Variants in PTBP2 observed in about 807,000 individuals in gnomAD.
PTBP2 encodes polypyrimidine tract-binding protein 2.
A neutral mutation model predicts 61.4 loss-of-function variants in PTBP2; 13 were observed. The observed-to-expected ratio is 0.21, with a 90% CI of 0.14 to 0.34. The LOEUF is 0.34. PTBP2 is among the 10% of genes least tolerant of loss of function. The pLI, the probability that PTBP2 is intolerant of heterozygous loss-of-function variation, is 1.00. For missense variants in PTBP2, 405 were observed against 642.6 expected (o/e 0.63, Z 4.00); for synonymous variants, 215 against 218.5 (o/e 0.98, Z 0.14).
chr1:96,821,341 A>T (rs1662676373), exon 14 of PTBP2: 1 of 152,010 alleles, frequency 6.6e-6, no homozygotes, highest in African/African-American at 2.4e-5. Context: ...TTTGTTTTGT[A>T]AAGTAGTTTA....
At chr1:96,815,832 GT>G (rs1440488324), downstream of PTBP2, 2 of 152,200 alleles carry the variant, frequency 1.3e-5, no homozygotes, top group Non-Finnish European at 2.9e-5. Context: ...GGTGATCTGT[GT>G]TTTTTTCTTA....
intron 8 of PTBP2, among the ~76,000 whole-genome samples, chr1:96,795,996 A>AT (rs1310265414): frequency 2.6e-5 from 4 of 152,176 alleles, no homozygotes; most frequent in Non-Finnish European, 4.4e-5. Context: ...GCTACCTATT[A>AT]ACTAGTATTT....
At position 96,790,378 on chromosome 1, in the gene PTBP2, T is replaced by A. The variant is rs184303558; in HGVS notation, c.904+5124T>A. ...ATTTTAATGATGCTTTAAGACTGAT[T>A]GTGGATTTGGGTGTTGACATTCTGA... On this transcript the variant is annotated intron_variant, in intron 8 of 13. Coordinates refer to ENST00000674951, the MANE Select transcript of PTBP2 (RefSeq NM_021190.4). Among the ~76,000 whole-genome samples the A allele has an allele frequency of 1.6e-3, 251 of 152,224 alleles. 1 individual carries two copies. The highest frequency in any genetic ancestry group is 5.3e-3 in the African/African-American group (220 of 41,544).
chr1:96,772,110 A>G (rs538858450), intron 5 of PTBP2, among the ~76,000 whole-genome samples: 1 of 152,178 alleles, frequency 6.6e-6, no homozygotes, highest in East Asian at 1.9e-4. Context: ...GTCCCACAAG[A>G]TCTCCTGAGA....
chr1:96,751,889 G>A (rs1221335609), intron 3 of PTBP2, among the ~76,000 whole-genome samples: 2 of 151,796 alleles, frequency 1.3e-5, no homozygotes, highest in African/African-American at 4.8e-5. Flanking sequence ...AGTAAAAACC[G>A]AAGAATTCAG....
At chr1:96,764,363 T>C (rs1447887659) in intron 3 of PTBP2, among the ~76,000 whole-genome samples, 1 of 152,244 alleles carries the variant, frequency 6.6e-6, no homozygotes, top group Non-Finnish European at 1.5e-5. Flanking sequence ...GAATTTGATT[T>C]TGTTAAATTT....
In PTBP2 at chr1:96,806,746, G is replaced by T. The variant is rs1051981386; in HGVS notation, c.1079-120G>T. ...CTTTATTCATTTGTGAGAATGATGA[G>T]ATTGAGTGATCATGTTGATGTCTGA... On this transcript the variant is annotated intron_variant, in intron 10 of 13. Transcript: ENST00000674951. The T allele has an allele frequency of 8.1e-6, 6 of 742,928 alleles. No individual in the cohort carries two copies. The South Asian group carries it at 9.6e-5, about 12-fold the overall frequency. 46.0% of individuals were successfully genotyped at this position (742,928 alleles called of 1,614,324 possible). A position where few individuals can be genotyped will look rare whatever the true frequency, so the allele number is the denominator to read the frequency against.
At chr1:96,806,369 A>G in intron 9 of PTBP2, 50 bp from the exon 10 acceptor site, 3 of 1,387,276 alleles carry the variant, frequency 2.2e-6, no homozygotes, top group East Asian at 2.3e-5. Flanking sequence ...CTCTTCCTCG[A>G]CTCTTCTCTC....
chr1:96,733,203 TTCAAAGAAGGAATGGCAA>T (rs574799774), intron 2 of PTBP2, among the ~76,000 whole-genome samples: 2,485 of 152,234 alleles, frequency 0.016, 78 homozygotes, highest in African/African-American at 0.057. Context: ...TAGCTTCATC[TTCAAAGAAGGAATGGCAA>T]AGAAGACTCT....
intron 3 of PTBP2, among the ~76,000 whole-genome samples, chr1:96,754,177 A>G (rs1428649726): frequency 6.6e-6 from 1 of 152,136 alleles, no homozygotes; most frequent in African/African-American, 2.4e-5. Flanking sequence ...CTAACAGGAG[A>G]CCAACACCTC....
chr1:96,758,884 G>T (rs1655465336), intron 3 of PTBP2, among the ~76,000 whole-genome samples: 1 of 152,074 alleles, frequency 6.6e-6, no homozygotes. Context: ...CATTCAACAT[G>T]CTTTTTAAAG....
At chr1:96,749,391 G>C (rs1377714489) in intron 2 of PTBP2, among the ~76,000 whole-genome samples, 1 of 152,136 alleles carries the variant, frequency 6.6e-6, no homozygotes, top group Admixed American at 6.5e-5. Context: ...GTATATTTTT[G>C]AAAACTAGGA....
intron 2 of PTBP2, among the ~76,000 whole-genome samples, chr1:96,737,847 G>A (rs1470323830): frequency 6.6e-6 from 1 of 151,890 alleles, no homozygotes; most frequent in Admixed American, 6.6e-5. Flanking sequence ...TGTGAGTATT[G>A]TTATATATGT....
At chr1:96,771,826 A>G (rs762010732) in intron 5 of PTBP2, among the ~76,000 whole-genome samples, 1 of 152,156 alleles carries the variant, frequency 6.6e-6, no homozygotes, top group Non-Finnish European at 1.5e-5. Context: ...CTGGCTGGTT[A>G]ACATATTCAT....
intron 8 of PTBP2, among the ~76,000 whole-genome samples, chr1:96,793,927 ACCAGCATTTT>A (rs892424197): frequency 6.6e-6 from 1 of 152,198 alleles, no homozygotes; most frequent in African/African-American, 2.4e-5. Flanking sequence ...TTACATACTG[ACCAGCATTTT>A]CAATGAAATA....
At chr1:96,803,893 G>A (rs1208128440) in intron 8 of PTBP2, among the ~76,000 whole-genome samples, 1 of 152,170 alleles carries the variant, frequency 6.6e-6, no homozygotes, top group East Asian at 1.9e-4. Context: ...CGTTTCTTGA[G>A]TGAACCAGTA....
intron 2 of PTBP2, 48 bp from the exon 3 acceptor site, chr1:96,751,377 T>A (rs1175969410): frequency 7.2e-7 from 1 of 1,382,348 alleles, no homozygotes; most frequent in Non-Finnish European, 1.0e-6. Flanking sequence ...TAGATTAATA[T>A]TTTTAAATTT....
At position 96,723,744 on chromosome 1, in the gene PTBP2, AAC is replaced by A; in HGVS notation, c.39+152_39+153del. The A allele has an allele frequency of 6.7e-6, 4 of 593,774 alleles. No individual in the cohort carries two copies. In the South Asian group the frequency reaches 1.4e-4, roughly 20 times the overall value. 36.8% of individuals were successfully genotyped at this position (593,774 alleles called of 1,614,324 possible). On this transcript the variant is annotated intron_variant, in intron 2 of 13. Coordinates refer to ENST00000674951, the MANE Select transcript of PTBP2 (RefSeq NM_021190.4). Reference sequence around the variant, plus strand: ...TTCATTTGTAAAGTTGGACCATATAAACAGTTTGTAATCACCATAAGTTTTTC... The same window carrying A: ...TTCATTTGTAAAGTTGGACCATATAAAGTTTGTAATCACCATAAGTTTTTC...
intron 2 of PTBP2, among the ~76,000 whole-genome samples, chr1:96,745,022 T>C (rs1653566165): frequency 6.6e-6 from 1 of 152,196 alleles, no homozygotes. Context: ...CCTTATAGTT[T>C]TCTCCCTAGA....
Sources: allele counts gnomAD v4.1 joint callset (sites outside exome capture counted in the v4.1 genomes callset), GRCh38; gene constraint gnomAD v4.1.1; transcripts MANE v1.5; gene names NCBI Gene and HGNC (gene_info 2026-07-23, HGNC 2026-07-21).